Variants in IFRD1 observed in about 807,000 individuals in gnomAD.
The protein encoded by IFRD1 is interferon related developmental regulator 1, also known as interferon-related developmental regulator 1.
In IFRD1, 35 loss-of-function variants were observed where a neutral mutation model predicts 52.9. The observed-to-expected ratio is 0.66, with a 90% CI of 0.51 to 0.88. The LOEUF (loss-of-function observed/expected upper bound fraction) is 0.88. Ranked by LOEUF, IFRD1 falls within the 40% of genes least tolerant of loss-of-function variation. The pLI is 0.00. For missense variants in IFRD1, 517 were observed against 550.8 expected (o/e 0.94, Z 0.61); for synonymous variants, 184 against 188.4 (o/e 0.98, Z 0.19).
At chr7:112,469,318 A>C (rs1795689020) in intron 9 of IFRD1, among the ~76,000 whole-genome samples, 2 of 152,160 alleles carry the variant, frequency 1.3e-5, no homozygotes, top group Admixed American at 6.5e-5. Context: ...AGAAAAGTAA[A>C]ATCTAGGATA....
chr7:112,447,231 T>C (rs1231196850), upstream of IFRD1, among the ~76,000 whole-genome samples: 3 of 152,236 alleles, frequency 2.0e-5, no homozygotes, highest in African/African-American at 7.2e-5. Context: ...CATTTGAGTA[T>C]ACTTACCCTG....
chr7:112,450,595 A>G lies in IFRD1; in HGVS notation c.-94A>G. ...GTTGTTAGCCGAAGACTCGCCTCTC[A>G]GCCGCCCGCCGCACAGACGCACGAG... On this transcript the variant is annotated 5_prime_UTR_variant, in exon 1 of 12. Coordinates refer to ENST00000403825, the MANE Select transcript of IFRD1 (RefSeq NM_001550.4). 2.0e-6 allele frequency: 2 copies of G among 1,006,818 alleles called. No homozygotes were observed. The highest frequency in any genetic ancestry group is 3.1e-6 in the Non-Finnish European group (2 of 639,084). 62.4% of individuals were successfully genotyped at this position (1,006,818 alleles called of 1,614,324 possible). A position where few individuals can be genotyped will look rare whatever the true frequency, so the allele number is the denominator to read the frequency against.
At chr7:112,450,939 C>T in intron 1 of IFRD1, 157 bp downstream of exon 1, 1 of 678,580 alleles carries the variant, frequency 1.5e-6, no homozygotes, top group Non-Finnish European at 2.6e-6. Context: ...CCCAGCGTGC[C>T]CTGGGCGCTG....
chr7:112,433,088 G>C (rs997463806), intron 1 of IFRD1, among the ~76,000 whole-genome samples: 5 of 152,172 alleles, frequency 3.3e-5, no homozygotes, highest in African/African-American at 1.2e-4. Context: ...AGAATCAACT[G>C]TAACCTCCCA....
At chr7:112,464,845 G>A (rs1031318302) in intron 8 of IFRD1, among the ~76,000 whole-genome samples, 1 of 152,068 alleles carries the variant, frequency 6.6e-6, no homozygotes, top group Non-Finnish European at 1.5e-5. Context: ...ACAGCACAGC[G>A]AGAAAAAAGA....
chr7:112,460,742 A>G (rs985062832), intron 5 of IFRD1, among the ~76,000 whole-genome samples: 3 of 148,010 alleles, frequency 2.0e-5, no homozygotes, highest in African/African-American at 5.0e-5. Flanking sequence ...AAGCAGATTA[A>G]TATCACAGAT....
intron 9 of IFRD1, among the ~76,000 whole-genome samples, chr7:112,471,136 T>C (rs1386386686): frequency 6.6e-6 from 1 of 152,192 alleles, no homozygotes; most frequent in African/African-American, 2.4e-5. Context: ...ATAACTCTAC[T>C]GTTATTTATT....
upstream of IFRD1, among the ~76,000 whole-genome samples, chr7:112,447,155 T>G (rs979416818): frequency 6.6e-6 from 1 of 152,226 alleles, no homozygotes; most frequent in South Asian, 2.1e-4. Flanking sequence ...AAGTCATCAA[T>G]GAGAACTTAG....
chr7:112,426,133 G>A (rs1355143193), intron 1 of IFRD1, among the ~76,000 whole-genome samples: 1 of 152,066 alleles, frequency 6.6e-6, no homozygotes, highest in East Asian at 1.9e-4. Flanking sequence ...GGACACTTGA[G>A]CCTGGAGTTC....
At chr7:112,458,330 AAAATAAAT>A in intron 4 of IFRD1, 1 of 148,106 alleles carries the variant, frequency 6.8e-6, no homozygotes, top group Admixed American at 6.4e-5. Flanking sequence ...AAAAAAAAAA[AAAATAAAT>A]AAAGTTAATA....
intron 1 of IFRD1, among the ~76,000 whole-genome samples, chr7:112,453,505 T>C (rs887618445): frequency 1.4e-4 from 21 of 152,056 alleles, no homozygotes; most frequent in African/African-American, 5.1e-4. Context: ...ACTGATGAGT[T>C]AAGGGAGCAG....
chr7:112,464,505 T>C (rs896165133), intron 8 of IFRD1, among the ~76,000 whole-genome samples: 1 of 152,192 alleles, frequency 6.6e-6, no homozygotes, highest in African/African-American at 2.4e-5. Flanking sequence ...GCAACTTCTC[T>C]ATGCCTCGGT....
intron 5 of IFRD1, among the ~76,000 whole-genome samples, chr7:112,460,241 GTTTTTTT>G (rs35314166): frequency 1.1e-5 from 1 of 92,950 alleles, no homozygotes; most frequent in Non-Finnish European, 2.0e-5. Context: ...CAGTCCTAGG[GTTTTTTT>G]TTTTTTTTTT....
chr7:112,426,513 G>A (rs945062414), intron 1 of IFRD1, among the ~76,000 whole-genome samples: 2 of 152,124 alleles, frequency 1.3e-5, no homozygotes, highest in African/African-American at 4.8e-5. Flanking sequence ...AAGATTGAGG[G>A]GCCACATCTG....
At chr7:112,467,369 C>G (rs1296453759) in intron 8 of IFRD1, 2 of 152,488 alleles carry the variant, frequency 1.3e-5, no homozygotes, top group African/African-American at 4.8e-5. Context: ...AAAGAGACTT[C>G]TTAAATGCAT....
At chr7:112,431,022 T>A (rs146246230) in intron 1 of IFRD1, among the ~76,000 whole-genome samples, 3 of 152,234 alleles carry the variant, frequency 2.0e-5, no homozygotes, top group Non-Finnish European at 4.4e-5. Context: ...CCTCCCACCT[T>A]CTTTTCTTCA....
At chr7:112,444,846 T>C (rs545031274) in intron 1 of IFRD1, among the ~76,000 whole-genome samples, 23 of 152,112 alleles carry the variant, frequency 1.5e-4, no homozygotes, top group Admixed American at 3.3e-4. Context: ...CTGGGTGCTA[T>C]GCTCACTACC....
At position 112,476,239 on chromosome 7, in the gene IFRD1, C is replaced by G. The variant is rs1795900303; in HGVS notation, c.*720C>G. The G allele has an allele frequency of 6.6e-6, 1 of 152,200 alleles. No individual in the cohort carries two copies. Among genetic ancestry groups the G allele is most frequent in the South Asian group, 2.1e-4 (1 of 4,832 alleles). The allele number at this position is 152,200 out of a possible 1,614,324, so 9.4% of individuals were successfully genotyped here. A position where few individuals can be genotyped will look rare whatever the true frequency, so the allele number is the denominator to read the frequency against. On this transcript the variant is annotated 3_prime_UTR_variant, in exon 12 of 12. Coordinates refer to ENST00000403825, the MANE Select transcript of IFRD1 (RefSeq NM_001550.4). ...AAATATTATTTATGGCTTTGAGGTA[C>G]AGAGTCCAAAATGACTAGGCCAGGT...
chr7:112,476,182 C>T lies in IFRD1; in HGVS notation c.*663C>T, dbSNP rs1475700986. The T allele has an allele frequency of 6.6e-6, 1 of 152,174 alleles. No individual in the cohort carries two copies. Among genetic ancestry groups the T allele is most frequent in the African/African-American group, 2.4e-5 (1 of 41,432 alleles). The allele number at this position is 152,174 out of a possible 1,614,324, so 9.4% of individuals were successfully genotyped here. On this transcript the variant is annotated 3_prime_UTR_variant, in exon 12 of 12. Coordinates refer to ENST00000403825, the MANE Select transcript of IFRD1 (RefSeq NM_001550.4). ...TTTACTTTGAAATAAAGATTTTTTT[C>T]CACACTGAAAGTGCTTCTCTTCTAA...
Sources: gnomAD v4.1 joint callset for allele counts (sites outside exome capture counted in the v4.1 genomes callset) on GRCh38, gnomAD v4.1.1 for gene constraint, MANE v1.5 for transcripts, NCBI Gene and HGNC (gene_info 2026-07-23, HGNC 2026-07-21) for gene names.